CSMD3: variants seen among roughly 807,000 people sequenced by gnomAD.
The protein encoded by CSMD3 is CUB and sushi domain-containing protein 3.
In CSMD3, 177 loss-of-function variants were observed where a neutral mutation model predicts 435.2. The ratio of observed to expected loss-of-function variants is 0.41; its 90% CI spans 0.36 to 0.46. CSMD3 has a LOEUF of 0.46. Ranked by LOEUF, CSMD3 falls within the 20% of genes least tolerant of loss-of-function variation. CSMD3 has a pLI of 0.34. For missense variants in CSMD3, 4,265 were observed against 4,504.6 expected (o/e 0.95, Z 1.52); for synonymous variants, 1,656 against 1,520.5 (o/e 1.09, Z -2.07).
At chr8:112,266,486 G>T (rs1382870107) in intron 59 of CSMD3, among the ~76,000 whole-genome samples, 2 of 152,192 alleles carry the variant, frequency 1.3e-5, no homozygotes, top group African/African-American at 4.8e-5. Context: ...CACTGTTCCA[G>T]TGGACTTCAA....
At chr8:113,193,439 T>C (rs2092613006) in intron 3 of CSMD3, among the ~76,000 whole-genome samples, 1 of 151,440 alleles carries the variant, frequency 6.6e-6, no homozygotes, top group South Asian at 2.1e-4. Context: ...TTCTGAGATA[T>C]AAACTAGATT....
intron 32 of CSMD3, among the ~76,000 whole-genome samples, chr8:112,416,899 T>G (rs1052855575): frequency 2.0e-5 from 3 of 151,940 alleles, no homozygotes; most frequent in Non-Finnish European, 2.9e-5. Context: ...TTAAAATACG[T>G]AAGAGGTTGT....
chr8:113,364,509 G>A (rs368075721), intron 1 of CSMD3, among the ~76,000 whole-genome samples: 25 of 151,858 alleles, frequency 1.6e-4, no homozygotes, highest in African/African-American at 5.8e-4. Context: ...GTTTTTTGAA[G>A]GAAAATAGCC....
intron 27 of CSMD3, among the ~76,000 whole-genome samples, chr8:112,517,510 T>C (rs1458324006): frequency 1.3e-5 from 2 of 152,020 alleles, no homozygotes; most frequent in African/African-American, 4.8e-5. Flanking sequence ...AATATATTTG[T>C]TAGGAACATA....
intron 10 of CSMD3, among the ~76,000 whole-genome samples, chr8:112,882,583 T>C (rs1173809564): frequency 3.9e-5 from 6 of 152,050 alleles, no homozygotes; most frequent in Non-Finnish European, 7.4e-5. Flanking sequence ...AGATCCCCTT[T>C]GGAAAGCGTG....
rs542094719 is a variant in CSMD3 at position 113,305,318 on chromosome 8, T to A, written c.401+9253A>T. 1.3e-3 allele frequency among the ~76,000 whole-genome samples: 194 copies of A among 152,034 alleles called. 1 individual carries two copies. Among genetic ancestry groups the A allele is most frequent in the African/African-American group, 3.2e-3 (133 of 41,486 alleles). On this transcript the variant is annotated intron_variant, in intron 2 of 70. Transcript: ENST00000297405. ...AAGTATAATAATAATAAATAAATTT[T>A]TAAAAAAAGAGAAAATGAATGTTTA...
At chr8:112,933,476 T>C (rs1217781359) in intron 9 of CSMD3, among the ~76,000 whole-genome samples, 2 of 152,066 alleles carry the variant, frequency 1.3e-5, no homozygotes, top group African/African-American at 4.8e-5. Context: ...CTTTCCACCA[T>C]CTCTTCACCA....
intron 4 of CSMD3, among the ~76,000 whole-genome samples, chr8:113,129,734 T>C (rs577632628): frequency 6.6e-6 from 1 of 152,158 alleles, no homozygotes; most frequent in East Asian, 1.9e-4. Context: ...CGTGTAATAT[T>C]AAAGCATGAT....
At chr8:112,257,522 C>T (rs965641201) in intron 61 of CSMD3, among the ~76,000 whole-genome samples, 2 of 152,078 alleles carry the variant, frequency 1.3e-5, no homozygotes, top group Admixed American at 6.6e-5. Flanking sequence ...GAGTGAACTC[C>T]CATTCACAAT....
Position 112,292,682 on chromosome 8 carries a change from T to C in CSMD3, c.8643A>G (p.Pro2881=), listed in dbSNP as rs1261159173. The part of the protein sequence containing the change: ...VPVSCGHPGS[P]IYGRTSGNGF... ...CATTTCCACTTGTTCTTCCATAAAT[T>C]GGACTACCAGGGTGACCACAGCTAA... The change falls in exon 55 of 71, where the codon CCA becomes CCG. Residue 2881 remains proline, a synonymous_variant. Transcript: ENST00000297405. The C allele has an allele frequency of 6.2e-7, 1 of 1,613,682 alleles. No individual in the cohort carries two copies. The highest frequency in any genetic ancestry group is 8.5e-7 in the Non-Finnish European group (1 of 1,179,804).
intron 2 of CSMD3, chr8:113,313,207 T>C (rs996931775): frequency 1.3e-5 from 2 of 152,222 alleles, no homozygotes; most frequent in East Asian, 1.9e-4. Context: ...AAAAAGCTGG[T>C]GAGCAACAAA....
chr8:113,211,194 TTTA>T, intron 3 of CSMD3, among the ~76,000 whole-genome samples: 1 of 152,276 alleles, frequency 6.6e-6, no homozygotes, highest in Admixed American at 6.5e-5. Context: ...TATTGAGAAA[TTTA>T]TTTAAATACA....
intron 9 of CSMD3, among the ~76,000 whole-genome samples, chr8:112,932,887 T>C (rs1277304634): frequency 6.6e-6 from 1 of 152,154 alleles, no homozygotes; most frequent in Non-Finnish European, 1.5e-5. Flanking sequence ...GTGATGGCTA[T>C]CCAAAATACC....
chr8:112,245,363 A>G (rs1345911263), intron 64 of CSMD3, among the ~76,000 whole-genome samples: 2 of 152,068 alleles, frequency 1.3e-5, no homozygotes, highest in East Asian at 1.9e-4. Context: ...TTTTTTAATT[A>G]TTTGTTCATA....
intron 22 of CSMD3, among the ~76,000 whole-genome samples, chr8:112,620,197 G>T (rs1282984767): frequency 1.3e-5 from 2 of 152,060 alleles, no homozygotes; most frequent in Admixed American, 6.6e-5. Context: ...AGAATAAAAA[G>T]AGTACACTTG....
chr8:112,625,416 AT>A (rs1283240909), intron 22 of CSMD3, among the ~76,000 whole-genome samples: 1 of 152,086 alleles, frequency 6.6e-6, no homozygotes, highest in Non-Finnish European at 1.5e-5. Flanking sequence ...AAGGCTCAGA[AT>A]TTCTTTTAGA....
At chr8:112,709,670 C>T (rs1477303642) in intron 13 of CSMD3, among the ~76,000 whole-genome samples, 1 of 151,906 alleles carries the variant, frequency 6.6e-6, no homozygotes, top group Non-Finnish European at 1.5e-5. Context: ...TTTTGTTTTC[C>T]TGTTCTAGTA....
intron 2 of CSMD3, among the ~76,000 whole-genome samples, chr8:113,305,905 A>C (rs1157236192): frequency 1.3e-5 from 2 of 152,182 alleles, no homozygotes; most frequent in African/African-American, 2.4e-5. Flanking sequence ...TTGTAAATTA[A>C]AGTATTAGGT....
intron 13 of CSMD3, among the ~76,000 whole-genome samples, chr8:112,763,779 T>A (rs1176235064): frequency 2.6e-5 from 4 of 151,054 alleles, no homozygotes; most frequent in African/African-American, 9.7e-5. Context: ...CTCTGTTTCA[T>A]GTGGGCACTA....
Sources: allele counts gnomAD v4.1 joint callset (sites outside exome capture counted in the v4.1 genomes callset), GRCh38; gene constraint gnomAD v4.1.1; transcripts MANE v1.5; gene names NCBI Gene and HGNC (gene_info 2026-07-23, HGNC 2026-07-21).